ITFG1: variants seen among roughly 807,000 people sequenced by gnomAD.
ITFG1 encodes the protein integrin alpha FG-GAP repeat containing 1, also known as T-cell immunomodulatory protein.
Under a neutral mutation model 81.8 loss-of-function variants are expected in ITFG1, and 34 were observed. The observed-to-expected ratio is 0.42, with a 90% CI of 0.32 to 0.55. ITFG1 has a LOEUF of 0.55. Among genes scored for constraint, ITFG1 ranks in the 20% least tolerant of loss-of-function variants. ITFG1 has a pLI of 0.17. For synonymous variants in ITFG1, 285 were observed against 270.6 expected (o/e 1.05, Z -0.52); for missense variants, 672 against 755.4 (o/e 0.89, Z 1.29).
intron 6 of ITFG1, among the ~76,000 whole-genome samples, chr16:47,427,867 C>T (rs1217986178): frequency 1.1e-4 from 17 of 152,192 alleles, no homozygotes; most frequent in Admixed American, 8.5e-4. Context: ...GGTGTGGTGG[C>T]TCATGCTGGT....
chr16:47,313,921 C>A, intron 8 of ITFG1, 98 bp from the exon 9 acceptor site: 1 of 566,494 alleles, frequency 1.8e-6, no homozygotes, highest in Non-Finnish European at 3.0e-6. Flanking sequence ...CTACATCAAT[C>A]TGGATAAAAC....
intron 10 of ITFG1, among the ~76,000 whole-genome samples, chr16:47,268,784 G>A (rs1218746307): frequency 6.6e-6 from 1 of 152,218 alleles, no homozygotes; most frequent in Non-Finnish European, 1.5e-5. Context: ...AGTGAACACT[G>A]TAGGAATATT....
At chr16:47,413,312 A>C (rs1968834059) in intron 6 of ITFG1, among the ~76,000 whole-genome samples, 1 of 152,244 alleles carries the variant, frequency 6.6e-6, no homozygotes, top group African/African-American at 2.4e-5. Context: ...GCAAATGTTA[A>C]GGGAATTCAT....
chr16:47,264,749 C>T (rs556314192), intron 10 of ITFG1, among the ~76,000 whole-genome samples: 7 of 152,244 alleles, frequency 4.6e-5, no homozygotes, highest in East Asian at 3.9e-4. Flanking sequence ...GTATGAGCGT[C>T]TTTTCATATC....
At chr16:47,443,947 T>C (rs906454617) in intron 5 of ITFG1, among the ~76,000 whole-genome samples, 1 of 152,096 alleles carries the variant, frequency 6.6e-6, no homozygotes, top group Non-Finnish European at 1.5e-5. Flanking sequence ...AAAAGAAATT[T>C]AGAACTGCTG....
At chr16:47,209,764 C>CT (rs1965543343) in intron 14 of ITFG1, among the ~76,000 whole-genome samples, 2 of 152,186 alleles carry the variant, frequency 1.3e-5, no homozygotes, top group Non-Finnish European at 2.9e-5. Flanking sequence ...ATTTCTATAA[C>CT]TTTTTTTCAC....
At chr16:47,248,313 T>C (rs548077893) in intron 12 of ITFG1, among the ~76,000 whole-genome samples, 2 of 152,286 alleles carry the variant, frequency 1.3e-5, no homozygotes, top group South Asian at 2.1e-4. Context: ...ATCTACTAAG[T>C]GGCAAAGAGC....
At chr16:47,348,437 A>G (rs1227398791) in intron 8 of ITFG1, among the ~76,000 whole-genome samples, 1 of 152,248 alleles carries the variant, frequency 6.6e-6, no homozygotes, top group East Asian at 1.9e-4. Context: ...AGCTGATTCC[A>G]TTAACTGGAA....
At chr16:47,226,573 C>T (rs377450066) in intron 13 of ITFG1, among the ~76,000 whole-genome samples, 5 of 139,120 alleles carry the variant, frequency 3.6e-5, no homozygotes, top group African/African-American at 1.1e-4. Flanking sequence ...GTTCCTGTGT[C>T]CAAATGCTCT....
chr16:47,234,111 A>T (rs1188409631), intron 13 of ITFG1, among the ~76,000 whole-genome samples: 1 of 152,244 alleles, frequency 6.6e-6, no homozygotes, highest in Admixed American at 6.5e-5. Context: ...GGGCATGCAG[A>T]AAGGCAAAAG....
chr16:47,226,775 G>A (rs553935013), intron 13 of ITFG1, among the ~76,000 whole-genome samples: 166 of 151,922 alleles, frequency 1.1e-3, no homozygotes, highest in African/African-American at 3.9e-3. Context: ...AAGGAGATAA[G>A]GGAATATGCT....
intron 13 of ITFG1, among the ~76,000 whole-genome samples, chr16:47,230,124 C>T (rs1332729624): frequency 6.6e-6 from 1 of 152,104 alleles, no homozygotes; most frequent in South Asian, 2.1e-4. Context: ...TCTTGGAATG[C>T]GTCTTTGTGG....
intron 7 of ITFG1, among the ~76,000 whole-genome samples, chr16:47,368,711 G>A (rs1567476631): frequency 6.6e-6 from 1 of 151,926 alleles, no homozygotes. Context: ...ACTAACTGAA[G>A]TGAACAGATT....
intron 14 of ITFG1, among the ~76,000 whole-genome samples, chr16:47,168,432 G>A (rs569663532): frequency 9.9e-5 from 15 of 152,134 alleles, no homozygotes; most frequent in African/African-American, 3.6e-4. Flanking sequence ...GGAGTGCAGC[G>A]GCACAATCAT....
chr16:47,172,311 C>T (rs1482509885), intron 14 of ITFG1, among the ~76,000 whole-genome samples: 1 of 152,146 alleles, frequency 6.6e-6, no homozygotes, highest in Non-Finnish European at 1.5e-5. Context: ...ACGGCAAAAC[C>T]CTGTCTCTAC....
Position 47,252,957 on chromosome 16 carries a change from C to T in ITFG1, c.1330+5675G>A, listed in dbSNP as rs1187107516. 5.5e-4 allele frequency among the ~76,000 whole-genome samples: 83 copies of T among 152,168 alleles called. 1 individual carries two copies. The highest frequency in any genetic ancestry group is 5.4e-3 in the Admixed American group (83 of 15,270). On this transcript the variant is annotated intron_variant, in intron 12 of 17. Transcript: ENST00000320640. ...AAATGATTGCTTTAAATTGGGATCT[C>T]ATTTCCTGTGACCTTTCTGTAAATT...
At chr16:47,408,229 T>A (rs1968754057) in intron 6 of ITFG1, among the ~76,000 whole-genome samples, 1 of 152,216 alleles carries the variant, frequency 6.6e-6, no homozygotes, top group African/African-American at 2.4e-5. Context: ...CAGTAAATAA[T>A]TTTGAATTTG....
chr16:47,259,535 G>C lies in ITFG1; in HGVS notation c.1222-795C>G, dbSNP rs189575974. 7.8e-3 allele frequency among the ~76,000 whole-genome samples: 1,190 copies of C among 152,224 alleles called. 8 individuals are homozygous for C. The highest frequency in any genetic ancestry group is 0.012 in the Non-Finnish European group (809 of 68,014). ...CAAGATTTGATTGCAGGAGAAACGG[G>C]AAAACAAGGACCTGAATAATTCATA... is the stretch of plus-strand genomic sequence containing the variant. On this transcript the variant is annotated intron_variant, in intron 11 of 17. Transcript: ENST00000320640.
intron 13 of ITFG1, among the ~76,000 whole-genome samples, chr16:47,221,720 C>G (rs1377129447): frequency 6.6e-6 from 1 of 152,102 alleles, no homozygotes. Context: ...GTCCTGGACT[C>G]TTTTTGGTTG....
Sources: gnomAD v4.1 joint callset for allele counts (sites outside exome capture counted in the v4.1 genomes callset) on GRCh38, gnomAD v4.1.1 for gene constraint, MANE v1.5 for transcripts, NCBI Gene and HGNC (gene_info 2026-07-23, HGNC 2026-07-21) for gene names.